The following KIAA1549L variants were observed in gnomAD, a reference collection of about 807,000 sequenced individuals.
KIAA1549L encodes the protein KIAA1549 like.
In KIAA1549L, 88 loss-of-function variants were observed where a neutral mutation model predicts 160.7. The ratio of observed to expected loss-of-function variants is 0.55; its 90% confidence interval spans 0.46 to 0.65. The LOEUF is 0.65. Among genes scored for constraint, KIAA1549L ranks in the 30% least tolerant of loss-of-function variants. The pLI is 0.00. For missense variants in KIAA1549L, 2,258 were observed against 2,437.5 expected (o/e 0.93, Z 1.55); for synonymous variants, 950 against 976.7 (o/e 0.97, Z 0.51).
intron 1 of KIAA1549L, among the ~76,000 whole-genome samples, chr11:33,465,865 A>T (rs530672058): frequency 6.6e-6 from 1 of 152,210 alleles, no homozygotes; most frequent in Non-Finnish European, 1.5e-5. Context: ...AAAGACTTAA[A>T]TGTAAGACCT....
chr11:33,584,590 C>A (rs1241303817), intron 11 of KIAA1549L, among the ~76,000 whole-genome samples: 1 of 152,234 alleles, frequency 6.6e-6, no homozygotes, highest in Non-Finnish European at 1.5e-5. Flanking sequence ...TTAAATAATG[C>A]CTTACAATTT....
chr11:33,623,720 T>C (rs1166217237), intron 16 of KIAA1549L, among the ~76,000 whole-genome samples: 1 of 152,044 alleles, frequency 6.6e-6, no homozygotes, highest in Non-Finnish European at 1.5e-5. Context: ...GGGATGCTTG[T>C]TGTCAGGTTT....
At position 33,417,880 on chromosome 11, in the gene KIAA1549L, C is replaced by T. The variant is rs1029165977; in HGVS notation, c.238+40991C>T. 5.9e-5 allele frequency among the ~76,000 whole-genome samples: 9 copies of T among 152,152 alleles called. 1 individual carries two copies. The East Asian group carries it at 7.7e-4, about 13-fold the overall frequency. ...GCAACCTTCGCCTCTTGGGTTCCAG[C>T]GATTCTTGTGCCTCAGCCTCCTGAG... On this transcript the variant is annotated intron_variant, in intron 1 of 20. Coordinates refer to ENST00000658780, the MANE Select transcript of KIAA1549L (RefSeq NM_012194.3).
At chr11:33,544,721 G>C in intron 2 of KIAA1549L, 46 bp from the exon 3 acceptor site, 1 of 1,543,624 alleles carries the variant, frequency 6.5e-7, no homozygotes. Flanking sequence ...CAAGTGACAC[G>C]TGCATTCCAA....
At chr11:33,509,411 C>T (rs1342840538) in intron 1 of KIAA1549L, among the ~76,000 whole-genome samples, 2 of 152,188 alleles carry the variant, frequency 1.3e-5, no homozygotes, top group Non-Finnish European at 1.5e-5. Context: ...GGGACCATAT[C>T]ACTTAACATT....
intron 1 of KIAA1549L, among the ~76,000 whole-genome samples, chr11:33,425,019 G>T (rs1217974084): frequency 6.6e-6 from 1 of 152,204 alleles, no homozygotes. Flanking sequence ...GGGAGTCAGT[G>T]CTAGTTAAAT....
At chr11:33,617,789 G>GTGGA (rs200551250) in intron 15 of KIAA1549L, among the ~76,000 whole-genome samples, 5,664 of 148,984 alleles carry the variant, frequency 0.038, 153 homozygotes, top group African/African-American at 0.078. Flanking sequence ...GGAAGCCTCG[G>GTGGA]TGGATGGATG....
At position 33,591,395 on chromosome 11, in the gene KIAA1549L, C is replaced by T. The variant is rs760496678; in HGVS notation, c.4725C>T (p.Thr1575=). Residue 1575 remains threonine (T), a synonymous_variant, in exon 12 of 21, where the codon ACC becomes ACT. Transcript: ENST00000658780. The part of the protein sequence containing the change: ...DVAQDGSTIK[T]AKSTETRKSR... ...CTCAGGATGGAAGCACCATCAAGACCGCCAAATCCACTGAAACCAGGAAGA... is the reference window on the plus strand; with the variant it reads ...CTCAGGATGGAAGCACCATCAAGACTGCCAAATCCACTGAAACCAGGAAGA... The T allele has an allele frequency of 1.7e-4, 269 of 1,606,440 alleles. 1 individual carries two copies. The East Asian group carries it at 3.0e-3, about 18-fold the overall frequency.
At position 33,543,590 on chromosome 11, in the gene KIAA1549L, T is replaced by G. The variant is rs953570619; in HGVS notation, c.2027T>G (p.Met676Arg). 2 of 1,614,026 alleles carry G rather than the reference T, an allele frequency of 1.2e-6. No individual in the cohort carries two copies. The highest frequency in any genetic ancestry group is 1.7e-6 in the Non-Finnish European group (2 of 1,179,886). ...CAGGTGAGAGCATCGCCCTCCTCCA[T>G]GGATGTATATGATTCCTTAACAATA... is the stretch of plus-strand genomic sequence containing the variant. ...SKQVRASPSS[M>R]DVYDSLTIGD... Residue 676 changes from methionine to arginine, a missense_variant, in exon 2 of 21, where the codon ATG (methionine) becomes AGG (arginine). Met to Arg is a moderately conservative substitution (Grantham distance 91). Coordinates refer to ENST00000658780, the MANE Select transcript of KIAA1549L (RefSeq NM_012194.3).
At chr11:33,489,713 G>C (rs1467749083) in intron 1 of KIAA1549L, among the ~76,000 whole-genome samples, 1 of 152,164 alleles carries the variant, frequency 6.6e-6, no homozygotes, top group East Asian at 1.9e-4. Context: ...TGATGGGCCA[G>C]ACCCAGAAGT....
Position 33,545,193 on chromosome 11 carries a change from G to C in KIAA1549L, c.3200G>C (p.Arg1067Pro), listed in dbSNP as rs752322857. 1.9e-6 allele frequency: 3 copies of C among 1,613,942 alleles called. No individual in the cohort carries two copies. The highest frequency in any genetic ancestry group is 2.5e-6 in the Non-Finnish European group (3 of 1,179,886). ...NLEMPRASTP[R>P]PLTVTAALTS... ...GAGATGCCCAGAGCATCCACGCCACGCCCACTGACAGTCACGGCCGCGCTG... is the reference window on the plus strand; with the variant it reads ...GAGATGCCCAGAGCATCCACGCCACCCCCACTGACAGTCACGGCCGCGCTG... The change falls in exon 3 of 21, where the codon CGC becomes CCC. Residue 1067 changes from arginine (R) to proline (P), a missense_variant. Arg to Pro is a moderately radical substitution (Grantham distance 103). Coordinates refer to ENST00000658780, the MANE Select transcript of KIAA1549L (RefSeq NM_012194.3).
In KIAA1549L at chr11:33,547,887, CT is replaced by C; in HGVS notation, c.3501+11del. On this transcript the variant is annotated intron_variant, in intron 4 of 20. Transcript: ENST00000658780. ...AACGATGTCTCAGCTCACGTAAGTG[CT>C]TTGCTTTGTAACCAAGCTAATCCAT... is the stretch of plus-strand genomic sequence containing the variant. 6.3e-7 allele frequency: 1 copy of C among 1,577,508 alleles called. No individual in the cohort carries two copies. The highest frequency in any genetic ancestry group is 8.7e-7 in the Non-Finnish European group (1 of 1,148,130).
At chr11:33,570,763 A>G (rs892471146) in intron 9 of KIAA1549L, among the ~76,000 whole-genome samples, 2 of 152,252 alleles carry the variant, frequency 1.3e-5, no homozygotes, top group Non-Finnish European at 2.9e-5. Flanking sequence ...AAGAGAAAAC[A>G]TGTGACCACT....
At position 33,551,156 on chromosome 11, in the gene KIAA1549L, C is replaced by T. The variant is rs758561785; in HGVS notation, c.3618C>T (p.Asn1206=). 9.3e-6 allele frequency: 15 copies of T among 1,613,828 alleles called. No homozygotes were observed. Among genetic ancestry groups the T allele is most frequent in the African/African-American group, 1.3e-5 (1 of 74,918 alleles). The change falls in exon 5 of 21, where the codon AAC becomes AAT. Residue 1206 remains asparagine, a synonymous_variant. Coordinates refer to ENST00000658780, the MANE Select transcript of KIAA1549L (RefSeq NM_012194.3). ...TGCTGGGTGTGTATGGAGTCAGCAA[C>T]GTCACTGCAGACCTGAAGCAACACA... is the stretch of plus-strand genomic sequence containing the variant. ...IEMLGVYGVS[N]VTADLKQHTP...
At chr11:33,465,131 C>T (rs573373977) in intron 1 of KIAA1549L, among the ~76,000 whole-genome samples, 5 of 143,974 alleles carry the variant, frequency 3.5e-5, no homozygotes, top group South Asian at 2.3e-4. Flanking sequence ...TCTTGGCTCA[C>T]TGCAACCTCC....
chr11:33,485,643 G>T (rs1852508312), intron 1 of KIAA1549L, among the ~76,000 whole-genome samples: 1 of 151,800 alleles, frequency 6.6e-6, no homozygotes, highest in Non-Finnish European at 1.5e-5. Flanking sequence ...TTTTTTTGGT[G>T]AGAACATTTA....
At chr11:33,522,967 C>T (rs1853531726) in intron 1 of KIAA1549L, among the ~76,000 whole-genome samples, 1 of 151,906 alleles carries the variant, frequency 6.6e-6, no homozygotes, top group African/African-American at 2.4e-5. Context: ...TGGTGCACAT[C>T]CTTATGTTGA....
intron 1 of KIAA1549L, among the ~76,000 whole-genome samples, chr11:33,515,425 A>G (rs1270822992): frequency 1.3e-5 from 2 of 152,214 alleles, no homozygotes; most frequent in Non-Finnish European, 2.9e-5. Flanking sequence ...AACTAGTTCA[A>G]GTTGGACGAG....
At chr11:33,664,031 T>G (rs1287817579) in intron 20 of KIAA1549L, among the ~76,000 whole-genome samples, 1 of 152,210 alleles carries the variant, frequency 6.6e-6, no homozygotes, top group Non-Finnish European at 1.5e-5. Context: ...TCCCAGCTCA[T>G]GTGGCCCAAG....
Sources: allele counts gnomAD v4.1 joint callset (sites outside exome capture counted in the v4.1 genomes callset), GRCh38; gene constraint gnomAD v4.1.1; transcripts MANE v1.5; gene names NCBI Gene and HGNC (gene_info 2026-07-23, HGNC 2026-07-21).